Variants in RAD51B observed in about 807,000 individuals in gnomAD.
RAD51B encodes the protein DNA repair protein RAD51 homolog 2.
Under a neutral mutation model 42.2 loss-of-function variants are expected in RAD51B, and 38 were observed. That is an observed-to-expected ratio of 0.90 (90% CI 0.70 to 1.18). The LOEUF (loss-of-function observed/expected upper bound fraction) is 1.18, where lower values mean the gene tolerates loss of function less well. Ranked by LOEUF, RAD51B falls within the 50% of genes most tolerant of loss-of-function variation. The probability of loss-of-function intolerance (pLI) is 0.00; values close to 1 mark genes in which losing one functional copy is unlikely to be tolerated. For missense variants in RAD51B, 373 were observed against 400.7 expected, an observed-to-expected ratio of 0.93 and a Z score of 0.59; for synonymous variants, 154 against 145.2, an observed-to-expected ratio of 1.06 and a Z score of -0.43.
At chr14:68,605,886 C>T (rs937736956) in intron 10 of RAD51B, among the ~76,000 whole-genome samples, 4 of 152,118 alleles carry the variant, frequency 2.6e-5, no homozygotes, top group Non-Finnish European at 4.4e-5. Flanking sequence ...CAGTCTCATT[C>T]GCCCACTAGT....
intron 7 of RAD51B, among the ~76,000 whole-genome samples, chr14:67,996,006 A>G (rs1444321039): frequency 2.0e-5 from 3 of 152,058 alleles, no homozygotes; most frequent in African/African-American, 4.8e-5. Flanking sequence ...AGTATTCCAG[A>G]TGGTGTCAGT....
intron 10 of RAD51B, among the ~76,000 whole-genome samples, chr14:68,534,330 G>A (rs1887485271): frequency 6.6e-6 from 1 of 152,104 alleles, no homozygotes; most frequent in South Asian, 2.1e-4. Flanking sequence ...TGAAAGGAAG[G>A]AGTTGTATGC....
At chr14:68,171,097 A>G (rs1018581162) in intron 7 of RAD51B, among the ~76,000 whole-genome samples, 2 of 152,206 alleles carry the variant, frequency 1.3e-5, no homozygotes, top group Non-Finnish European at 2.9e-5. Context: ...ACGGGTAGAC[A>G]GGTTCTCAGC....
chr14:68,631,839 G>A (rs1056692122), intron 10 of RAD51B, among the ~76,000 whole-genome samples: 2 of 152,148 alleles, frequency 1.3e-5, no homozygotes, highest in Non-Finnish European at 2.9e-5. Context: ...TGTGCGCTGC[G>A]TGCTGGCCAT....
Position 67,937,197 on chromosome 14 carries a change from A to G in RAD51B, c.756+49993A>G, listed in dbSNP as rs564007725. On this transcript the variant is annotated intron_variant, in intron 7 of 10. Coordinates refer to ENST00000471583, the MANE Select transcript of RAD51B (RefSeq NM_133510.4). ...ATTCAAAGCTGAGCCCTAAATCCAT[A>G]TGTAATACAATTATGGGAAGCCAAA... is the stretch of plus-strand genomic sequence containing the variant. 2.0e-5 allele frequency among the ~76,000 whole-genome samples: 3 copies of G among 152,354 alleles called. No individual in the cohort carries two copies. The South Asian group carries it at 6.2e-4, about 32-fold the overall frequency.
intron 7 of RAD51B, among the ~76,000 whole-genome samples, chr14:68,045,220 G>T: frequency 1.1e-5 from 1 of 90,668 alleles, no homozygotes; most frequent in African/African-American, 4.5e-5. Context: ...TGGGCAACAA[G>T]AGCGAAACTC....
chr14:68,346,854 T>A (rs1594700389), intron 8 of RAD51B, among the ~76,000 whole-genome samples: 2 of 152,164 alleles, frequency 1.3e-5, no homozygotes, highest in Non-Finnish European at 2.9e-5. Context: ...CATTGTGAAT[T>A]TCTCAGAGTA....
At chr14:68,518,560 C>T (rs12100663) in intron 10 of RAD51B, among the ~76,000 whole-genome samples, 9 of 150,308 alleles carry the variant, frequency 6.0e-5, no homozygotes, top group Non-Finnish European at 1.3e-4. Context: ...ATGAGCCCCC[C>T]CCCCAGGCCT....
At chr14:68,598,515 A>C (rs575141914), downstream of RAD51B, among the ~76,000 whole-genome samples, 3 of 152,350 alleles carry the variant, frequency 2.0e-5, no homozygotes, top group East Asian at 5.8e-4. Context: ...AAGGGAGGAA[A>C]GTCCCGAATT....
intron 8 of RAD51B, among the ~76,000 whole-genome samples, chr14:68,312,201 G>T (rs1392815466): frequency 6.6e-6 from 1 of 152,178 alleles, no homozygotes; most frequent in Admixed American, 6.5e-5. Context: ...GTTTCTGATT[G>T]TGAAGATTGG....
intron 4 of RAD51B, among the ~76,000 whole-genome samples, chr14:67,849,846 T>C (rs2041745527): frequency 6.6e-6 from 1 of 152,240 alleles, no homozygotes; most frequent in Non-Finnish European, 1.5e-5. Flanking sequence ...CAATCCATGC[T>C]TTGAATTATT....
chr14:68,183,307 AG>A (rs2079090549), intron 7 of RAD51B, among the ~76,000 whole-genome samples: 1 of 152,136 alleles, frequency 6.6e-6, no homozygotes, highest in Admixed American at 6.5e-5. Context: ...AGAGTCTAAA[AG>A]CTAAGGAATT....
intron 7 of RAD51B, among the ~76,000 whole-genome samples, chr14:68,254,301 G>A (rs1370531744): frequency 6.6e-6 from 1 of 152,106 alleles, no homozygotes; most frequent in Non-Finnish European, 1.5e-5. Flanking sequence ...ATAAGAACAG[G>A]GTGGGAGGTT....
At chr14:67,946,874 A>G (rs755936502) in intron 7 of RAD51B, among the ~76,000 whole-genome samples, 1 of 152,206 alleles carries the variant, frequency 6.6e-6, no homozygotes, top group Non-Finnish European at 1.5e-5. Context: ...TTAAACTTGC[A>G]TTTATATATT....
At chr14:68,472,662 G>A (rs1429328871) in intron 10 of RAD51B, among the ~76,000 whole-genome samples, 1 of 152,250 alleles carries the variant, frequency 6.6e-6, no homozygotes, top group Non-Finnish European at 1.5e-5. Flanking sequence ...GGTATGACAG[G>A]TTTAATTTGG....
chr14:68,394,979 C>T (rs1318908075), intron 8 of RAD51B, among the ~76,000 whole-genome samples: 1 of 152,212 alleles, frequency 6.6e-6, no homozygotes, highest in African/African-American at 2.4e-5. Flanking sequence ...GAGGTCCGTC[C>T]CCTGCACTGG....
At position 68,017,236 on chromosome 14, in the gene RAD51B, C is replaced by T. The variant is rs548692838; in HGVS notation, c.756+130032C>T. On this transcript the variant is annotated intron_variant, in intron 7 of 10. Coordinates refer to ENST00000471583, the MANE Select transcript of RAD51B (RefSeq NM_133510.4). ...TTTGAGATGGAATCTCATTCTGTTA[C>T]CCAGGCTGGAATGCAGTGGAGTGAT... Among the ~76,000 whole-genome samples, 126 of 152,078 alleles carry T rather than the reference C, an allele frequency of 8.3e-4. 1 individual carries two copies. The highest frequency in any genetic ancestry group is 3.0e-3 in the African/African-American group (125 of 41,486).
At chr14:67,864,059 GAA>G (rs768904725) in intron 4 of RAD51B, among the ~76,000 whole-genome samples, 8 of 151,858 alleles carry the variant, frequency 5.3e-5, no homozygotes, top group Admixed American at 3.9e-4. Flanking sequence ...GAGAGAGAGA[GAA>G]AGAGAAAGTG....
At chr14:67,864,411 C>G (rs1353480007) in intron 4 of RAD51B, among the ~76,000 whole-genome samples, 4 of 152,118 alleles carry the variant, frequency 2.6e-5, no homozygotes, top group African/African-American at 9.7e-5. Context: ...AATAAATTTG[C>G]TTTATTTCTC....
Sources: allele counts gnomAD v4.1 joint callset (sites outside exome capture counted in the v4.1 genomes callset), GRCh38; gene constraint gnomAD v4.1.1; transcripts MANE v1.5; gene names NCBI Gene and HGNC (gene_info 2026-07-23, HGNC 2026-07-21).